The following KCNQ3 variants were observed in gnomAD, a reference collection of about 807,000 sequenced individuals.
KCNQ3 encodes potassium voltage-gated channel subfamily KQT member 3.
In KCNQ3, 30 loss-of-function variants were observed where a neutral mutation model predicts 92.5. That is an observed-to-expected ratio of 0.32 (90% CI 0.24 to 0.44). The LOEUF (loss-of-function observed/expected upper bound fraction) is 0.44. Ranked by LOEUF, KCNQ3 falls within the 20% of genes least tolerant of loss-of-function variation. The pLI is 1.00. For synonymous variants in KCNQ3, 450 were observed against 468.8 expected, an observed-to-expected ratio of 0.96 and a Z score of 0.52; for missense variants, 913 against 1,140.3, an observed-to-expected ratio of 0.80 and a Z score of 2.87.
chr8:132,185,246 G>T (rs1017414407), intron 2 of KCNQ3, among the ~76,000 whole-genome samples: 3 of 152,232 alleles, frequency 2.0e-5, no homozygotes, highest in South Asian at 4.1e-4. Context: ...TGAGAAGAAG[G>T]CTCCACTATT....
chr8:132,332,939 C>T (rs1051165211), intron 1 of KCNQ3, among the ~76,000 whole-genome samples: 2 of 152,120 alleles, frequency 1.3e-5, no homozygotes, highest in Non-Finnish European at 2.9e-5. Context: ...ACTGTGAGCA[C>T]CTTGAGTTCT....
chr8:132,302,177 A>G (rs576352509), intron 1 of KCNQ3, among the ~76,000 whole-genome samples: 1 of 152,314 alleles, frequency 6.6e-6, no homozygotes, highest in Admixed American at 6.5e-5. Context: ...GTGGCTGAAG[A>G]GTAGAGAACG....
At chr8:132,282,810 C>T (rs544715037) in intron 1 of KCNQ3, among the ~76,000 whole-genome samples, 1 of 152,316 alleles carries the variant, frequency 6.6e-6, no homozygotes, top group Admixed American at 6.5e-5. Flanking sequence ...CAGGGTTGCC[C>T]TCCTGATGGG....
At chr8:132,154,901 T>A (rs1359374932) in intron 9 of KCNQ3, among the ~76,000 whole-genome samples, 1 of 152,178 alleles carries the variant, frequency 6.6e-6, no homozygotes, top group Non-Finnish European at 1.5e-5. Context: ...GGAGAAAAGA[T>A]CACAGGCCTA....
chr8:132,269,203 T>C (rs1414911587), intron 1 of KCNQ3, among the ~76,000 whole-genome samples: 5 of 152,180 alleles, frequency 3.3e-5, no homozygotes, highest in African/African-American at 9.7e-5. Flanking sequence ...AGAGAAGAAA[T>C]GTTTCATTTT....
At chr8:132,331,274 AG>A (rs1563863556) in intron 1 of KCNQ3, among the ~76,000 whole-genome samples, 2 of 152,170 alleles carry the variant, frequency 1.3e-5, no homozygotes, top group Admixed American at 6.5e-5. Flanking sequence ...AAAGGCCCTG[AG>A]ATTCAACCTC....
At chr8:132,178,154 G>A (rs1360144316) in intron 4 of KCNQ3, among the ~76,000 whole-genome samples, 2 of 152,260 alleles carry the variant, frequency 1.3e-5, no homozygotes, top group Non-Finnish European at 2.9e-5. Flanking sequence ...TTTAGCACCA[G>A]TGTTGACCAG....
chr8:132,413,151 T>C (rs1366104326), intron 1 of KCNQ3, among the ~76,000 whole-genome samples: 1 of 152,230 alleles, frequency 6.6e-6, no homozygotes, highest in Non-Finnish European at 1.5e-5. Flanking sequence ...GCAACCAAAG[T>C]GTTCTCGCCA....
chr8:132,185,418 G>A lies in KCNQ3; in HGVS notation c.477+673C>T, dbSNP rs576600256. On this transcript the variant is annotated intron_variant, in intron 2 of 14. Transcript: ENST00000388996. ...TGACCAGTGCTGTCCTGTGGCTACA[G>A]AAGGAGCAAGCCCTTGTTAGAGCCT... is the stretch of plus-strand genomic sequence containing the variant. Among the ~76,000 whole-genome samples, 3 of 152,372 alleles carry A rather than the reference G, an allele frequency of 2.0e-5. No individual in the cohort carries two copies. In the East Asian group the frequency reaches 5.8e-4, roughly 29 times the overall value.
At chr8:132,469,701 G>T (rs1587051204) in intron 1 of KCNQ3, among the ~76,000 whole-genome samples, 2 of 152,156 alleles carry the variant, frequency 1.3e-5, no homozygotes, top group Middle Eastern at 3.4e-3. Context: ...GAAAAAAGGA[G>T]CAGGGACCCT....
chr8:132,163,880 C>T (rs75679050), intron 8 of KCNQ3, among the ~76,000 whole-genome samples: 4,220 of 152,332 alleles, frequency 0.028, 219 homozygotes, highest in African/African-American at 0.098. Context: ...AACTTTGTCA[C>T]TACCATTGTC....
At chr8:132,218,960 C>T (rs1814129317) in intron 1 of KCNQ3, among the ~76,000 whole-genome samples, 1 of 152,186 alleles carries the variant, frequency 6.6e-6, no homozygotes, top group Non-Finnish European at 1.5e-5. Flanking sequence ...TTTTCTACAA[C>T]ATTGACCTTT....
At chr8:132,369,778 C>T (rs1350381) in intron 1 of KCNQ3, among the ~76,000 whole-genome samples, 27,706 of 152,166 alleles carry the variant, frequency 0.18, 2,970 homozygotes, top group African/African-American at 0.3. Flanking sequence ...TTATAAGCAT[C>T]GTCCACACAC....
intron 9 of KCNQ3, among the ~76,000 whole-genome samples, chr8:132,148,622 C>T (rs1317932221): frequency 6.6e-6 from 1 of 152,172 alleles, no homozygotes; most frequent in African/African-American, 2.4e-5. Context: ...AAGAGATTAG[C>T]AGTTGAATCA....
At chr8:132,473,890 T>C (rs1822348639) in intron 1 of KCNQ3, among the ~76,000 whole-genome samples, 1 of 152,234 alleles carries the variant, frequency 6.6e-6, no homozygotes, top group South Asian at 2.1e-4. Flanking sequence ...GCCCTTTATG[T>C]TCCAGAGCAG....
intron 1 of KCNQ3, among the ~76,000 whole-genome samples, chr8:132,347,137 C>T (rs947212549): frequency 6.6e-6 from 1 of 152,144 alleles, no homozygotes; most frequent in Middle Eastern, 3.2e-3. Context: ...TTAAGGATAC[C>T]TTCTGCCCCT....
chr8:132,246,344 C>T (rs1183756405), intron 1 of KCNQ3, among the ~76,000 whole-genome samples: 2 of 152,138 alleles, frequency 1.3e-5, no homozygotes, highest in Non-Finnish European at 1.5e-5. Flanking sequence ...GAACAATGCC[C>T]AAAGCAGCAA....
chr8:132,389,182 T>C (rs1420528959), intron 1 of KCNQ3, among the ~76,000 whole-genome samples: 1 of 152,180 alleles, frequency 6.6e-6, no homozygotes, highest in Non-Finnish European at 1.5e-5. Flanking sequence ...TCAGGCCAGG[T>C]GCAGTGGTTC....
At chr8:132,447,168 T>C (rs1019061195) in intron 1 of KCNQ3, 4 of 1,525,198 alleles carry the variant, frequency 2.6e-6, no homozygotes, top group Non-Finnish European at 3.5e-6. Flanking sequence ...TGCTCTGTTT[T>C]CATATCCCCA....
Sources: allele counts gnomAD v4.1 joint callset (sites outside exome capture counted in the v4.1 genomes callset), GRCh38; gene constraint gnomAD v4.1.1; transcripts MANE v1.5; gene names NCBI Gene and HGNC (gene_info 2026-07-23, HGNC 2026-07-21).